RIC3: variants seen among roughly 807,000 people sequenced by gnomAD.
RIC3 encodes RIC3 acetylcholine receptor chaperone, also known as protein RIC-3.
RIC3 carries 28 observed loss-of-function variants against 27.3 expected under a neutral mutation model. That is an observed-to-expected ratio of 1.02 (90% CI 0.76 to 1.41). The LOEUF is 1.41. Among genes scored for constraint, RIC3 ranks in the 40% most tolerant of loss-of-function variants. RIC3 has a pLI of 0.00. For synonymous variants in RIC3, 184 were observed against 160.4 expected (o/e 1.15, Z -1.11); for missense variants, 501 against 444.7 (o/e 1.13, Z -1.14).
chr11:8,093,676 C>T, the RIC3 span, among the ~76,000 whole-genome samples: 1 of 152,192 alleles, frequency 6.6e-6, no homozygotes, highest in East Asian at 1.9e-4. Context: ...AGCCTTTGTT[C>T]TTTCTTCCCC....
intron 4 of RIC3, among the ~76,000 whole-genome samples, chr11:8,128,534 T>A (rs1947264457): frequency 6.6e-6 from 1 of 152,188 alleles, no homozygotes; most frequent in African/African-American, 2.4e-5. Context: ...AATGAATATT[T>A]TCATGGATTC....
intron 1 of RIC3, among the ~76,000 whole-genome samples, chr11:8,144,022 A>G (rs1295103410): frequency 6.6e-6 from 1 of 152,224 alleles, no homozygotes; most frequent in Non-Finnish European, 1.5e-5. Flanking sequence ...TTATACAAAA[A>G]TCAATTCAAG....
In RIC3 at chr11:8,140,160, T is replaced by C. The variant is rs768224786; in HGVS notation, c.158A>G (p.His53Arg). The C allele has an allele frequency of 1.9e-5, 31 of 1,613,904 alleles. No homozygotes were observed. The highest frequency in any genetic ancestry group is 2.5e-5 in the Non-Finnish European group (30 of 1,180,022). Residue 53 changes from histidine to arginine, a missense_variant, in exon 2 of 6, where the codon CAT (histidine) becomes CGT (arginine). His to Arg is a conservative substitution (Grantham distance 29). Coordinates refer to ENST00000309737, the MANE Select transcript of RIC3 (RefSeq NM_001206671.4). The part of the protein sequence containing the change: ...KLGRFPPMMH[H>R]HQAPSDGQTP... ...CTGGCCATCTGAGGGTGCCTGGTGA[T>C]GATGCATCATAGGTGGAAATCGGCC... is the stretch of plus-strand genomic sequence containing the variant.
chr11:8,139,728 T>C (rs1948830776), intron 2 of RIC3: 3 of 391,424 alleles, frequency 7.7e-6, no homozygotes, highest in Non-Finnish European at 1.4e-5. Flanking sequence ...GTTCAAGTCC[T>C]AGTTCTGCCT....
In RIC3 at chr11:8,118,527, TAAAAAAAA is replaced by T. The variant is rs11378233; in HGVS notation, c.671-7398_671-7391del. Among the ~76,000 whole-genome samples, 80 of 66,684 alleles carry T rather than the reference TAAAAAAAA, an allele frequency of 1.2e-3. 1 individual carries two copies. The highest frequency in any genetic ancestry group is 8.0e-3 in the East Asian group (16 of 1,996). The allele number at this position is 66,684 out of a possible 152,430, so 43.7% of individuals were successfully genotyped here. A position where few individuals can be genotyped will look rare whatever the true frequency, so the allele number is the denominator to read the frequency against. On this transcript the variant is annotated intron_variant, in intron 5 of 5. Transcript: ENST00000309737. Reference sequence around the variant, plus strand: ...GCTATTGAATAGAAAGCCATAATTGTAAAAAAAAAAAAAAAAAAAAAAAAAAAATTAAT... The same window carrying T: ...GCTATTGAATAGAAAGCCATAATTGTAAAAAAAAAAAAAAAAAAAATTAAT...
the RIC3 span, chr11:8,098,644 G>T: frequency 5.3e-6 from 4 of 757,746 alleles, no homozygotes; most frequent in Non-Finnish European, 6.8e-6. Flanking sequence ...CCCTGGGCCT[G>T]CTCCTGTTCC....
At chr11:8,097,515 C>T in the RIC3 span, 273 of 1,555,780 alleles carry the variant, frequency 1.8e-4, 1 homozygote, top group African/African-American at 3.1e-3. Flanking sequence ...TCATATCTAC[C>T]ACTGACCTCT....
intron 1 of RIC3, 78 bp downstream of exon 1, chr11:8,168,786 TCA>T (rs1415693536): frequency 2.4e-5 from 37 of 1,535,836 alleles, no homozygotes; most frequent in African/African-American, 4.2e-5. Context: ...CTGCAGACTC[TCA>T]GAGTCACCCC....
At chr11:8,133,656 A>C (rs148056226) in intron 4 of RIC3, among the ~76,000 whole-genome samples, 1 of 152,184 alleles carries the variant, frequency 6.6e-6, no homozygotes, top group Non-Finnish European at 1.5e-5. Context: ...TCTGGGCTAG[A>C]ACCTGTGGCC....
At chr11:8,161,894 G>GCAACCACTGTTACTACC (rs1565133276) in intron 1 of RIC3, among the ~76,000 whole-genome samples, 12 of 148,680 alleles carry the variant, frequency 8.1e-5, no homozygotes, top group Admixed American at 6.9e-4. Flanking sequence ...CGAAACTGTT[G>GCAACCACTGTTACTACC]CTATAAATGA....
In RIC3 at chr11:8,126,698, T is replaced by C. The variant is rs1478631882; in HGVS notation, c.631A>G (p.Lys211Glu). Residue 211 changes from lysine (K) to glutamate (E), a missense_variant, in exon 5 of 6, where the codon AAA becomes GAA. Lys to Glu is a moderately conservative substitution (Grantham distance 56). Transcript: ENST00000309737. Reference sequence around the variant, plus strand: ...ATGTAAGGGGCCTCCTCAGCTTCTTTCTCTGGAGAAAATCTGTCAATGAAT... The same window carrying C: ...ATGTAAGGGGCCTCCTCAGCTTCTTCCTCTGGAGAAAATCTGTCAATGAAT... The part of the protein sequence containing the change: ...GKFIDRFSPE[K>E]EAEEAPYMED... 6.2e-7 allele frequency: 1 copy of C among 1,614,068 alleles called. No individual in the cohort carries two copies. The highest frequency in any genetic ancestry group is 8.5e-7 in the Non-Finnish European group (1 of 1,180,028).
the RIC3 span, among the ~76,000 whole-genome samples, chr11:8,093,675 T>C: frequency 6.6e-6 from 1 of 152,288 alleles, no homozygotes; most frequent in East Asian, 1.9e-4. Flanking sequence ...CAGCCTTTGT[T>C]CTTTCTTCCC....
chr11:8,159,999 C>G (rs1321702916), intron 1 of RIC3, among the ~76,000 whole-genome samples: 2 of 151,590 alleles, frequency 1.3e-5, no homozygotes, highest in Admixed American at 1.3e-4. Context: ...AGAAAACATG[C>G]TGATCATAAT....
intron 4 of RIC3, among the ~76,000 whole-genome samples, chr11:8,132,168 A>C (rs1456365079): frequency 1.3e-5 from 2 of 152,050 alleles, no homozygotes; most frequent in African/African-American, 4.8e-5. Context: ...AATTGTTACA[A>C]CTTGGCATGC....
At chr11:8,130,880 A>C (rs1449918835) in intron 4 of RIC3, among the ~76,000 whole-genome samples, 1 of 152,076 alleles carries the variant, frequency 6.6e-6, no homozygotes, top group Non-Finnish European at 1.5e-5. Context: ...CCACAGAGAG[A>C]GTGATGAAGA....
intron 5 of RIC3, among the ~76,000 whole-genome samples, chr11:8,115,281 A>C (rs1249293135): frequency 1.3e-5 from 2 of 151,912 alleles, no homozygotes; most frequent in African/African-American, 4.8e-5. Flanking sequence ...GGGATAATAT[A>C]TTCAAAATGC....
At chr11:8,097,644 T>G in the RIC3 span, 1 of 1,399,412 alleles carries the variant, frequency 7.1e-7, no homozygotes, top group Non-Finnish European at 1.0e-6. Flanking sequence ...AGAGTCTGTG[T>G]GAGTGGCTCT....
At chr11:8,099,474 T>G in the RIC3 span, among the ~76,000 whole-genome samples, 2 of 152,198 alleles carry the variant, frequency 1.3e-5, no homozygotes, top group African/African-American at 2.4e-5. Context: ...ACAGCTACTT[T>G]GTATGATCCT....
chr11:8,139,927 A>T, intron 2 of RIC3, 40 bp downstream of exon 2: 1 of 1,534,130 alleles, frequency 6.5e-7, no homozygotes, highest in South Asian at 1.2e-5. Flanking sequence ...GCCATATTAG[A>T]TTTTCATTGA....
Sources: allele counts gnomAD v4.1 joint callset (sites outside exome capture counted in the v4.1 genomes callset), GRCh38; gene constraint gnomAD v4.1.1; transcripts MANE v1.5; gene names NCBI Gene and HGNC (gene_info 2026-07-23, HGNC 2026-07-21).